Variants in TRIO observed in about 807,000 individuals in gnomAD.
TRIO encodes trio Rho guanine nucleotide exchange factor.
A neutral mutation model predicts 351.9 loss-of-function variants in TRIO; 58 were observed. The observed-to-expected ratio is 0.16, with a 90% confidence interval of 0.13 to 0.21. TRIO has a LOEUF of 0.21. Among genes scored for constraint, TRIO ranks in the 10% least tolerant of loss-of-function variants. TRIO has a pLI of 1.00. For synonymous variants in TRIO, 1,758 were observed against 1,595.7 expected (o/e 1.10, Z -2.42); for missense variants, 3,201 against 4,027.8 (o/e 0.79, Z 5.56).
chr5:14,335,204 G>A (rs1313534537), intron 10 of TRIO, among the ~76,000 whole-genome samples: 3 of 152,074 alleles, frequency 2.0e-5, no homozygotes, highest in Non-Finnish European at 4.4e-5. Flanking sequence ...TATCCCTCAG[G>A]TATTGGCTTA....
rs556482968 is a variant in TRIO at position 14,290,830 on chromosome 5, G to A, written c.655G>A (p.Ala219Thr). ...NHEEWIEIRV[A>T]FEDYISNATH... ...CGAAGAATGGATTGAAATCAGAGTTGCTTTTGAAGACTACATTAGCAATGC... is the reference window on the plus strand; with the variant it reads ...CGAAGAATGGATTGAAATCAGAGTTACTTTTGAAGACTACATTAGCAATGC... Residue 219 changes from alanine (A) to threonine (T), a missense_variant, in exon 5 of 57, where the codon GCT becomes ACT. Ala to Thr is a moderately conservative substitution (Grantham distance 58). Transcript: ENST00000344204. 1 of 1,614,116 alleles carries A rather than the reference G, an allele frequency of 6.2e-7. No homozygotes were observed. The highest frequency in any genetic ancestry group is 1.1e-5 in the South Asian group (1 of 91,066).
At position 14,374,334 on chromosome 5, in the gene TRIO, C is replaced by A; in HGVS notation, c.3322C>A (p.Gln1108Lys). 1 of 1,612,588 alleles carries A rather than the reference C, an allele frequency of 6.2e-7. No homozygotes were observed. The highest frequency in any genetic ancestry group is 8.5e-7 in the Non-Finnish European group (1 of 1,179,104). ...GACGCACATCAAAGCTCCTGAACAG[C>A]AAGTGAAAAGTGAGTAGAGCTGGGA... ...MVTHIKAPEQQVKNILNELFQ... is the reference protein window; with the variant it reads ...MVTHIKAPEQKVKNILNELFQ... Residue 1108 changes from glutamine (Q) to lysine (K), a missense_variant, in exon 19 of 57, where the codon CAA (glutamine) becomes AAA (lysine). Around this residue, in one of 19 missense-constraint regions of TRIO, gnomAD observed 201 missense variants for 266.5 expected, o/e 0.75. Transcript: ENST00000344204.
intron 2 of TRIO, among the ~76,000 whole-genome samples, chr5:14,273,543 G>C (rs1735218535): frequency 6.6e-6 from 1 of 152,200 alleles, no homozygotes; most frequent in African/African-American, 2.4e-5. Context: ...GCTATTAAGA[G>C]GTGGGACCTT....
intron 49 of TRIO, among the ~76,000 whole-genome samples, chr5:14,493,736 A>T (rs1579824268): frequency 6.6e-6 from 1 of 152,378 alleles, no homozygotes; most frequent in East Asian, 1.9e-4. Context: ...AAGGCATGCC[A>T]AAAGTGGATA....
chr5:14,487,845 C>A lies in TRIO; in HGVS notation c.7217C>A (p.Ala2406Glu). 6.6e-7 allele frequency: 1 copy of A among 1,524,130 alleles called. No individual in the cohort carries two copies. Among genetic ancestry groups the A allele is most frequent in the Non-Finnish European group, 8.8e-7 (1 of 1,135,406 alleles). 94.4% of individuals were successfully genotyped at this position (1,524,130 alleles called of 1,614,324 possible). Residue 2406 changes from alanine (A) to glutamate (E), a missense_variant, in exon 48 of 57, where the codon GCG becomes GAG. Physicochemically the swap from Ala to Glu is moderately radical, Grantham distance 107 (BLOSUM62 -1). Transcript: ENST00000344204. Reference sequence around the variant, plus strand: ...GACGCCGAGGGGTCCGAGCGAGAAGCGGAGCCGATCCCCAAGATGAAGGTG... The same window carrying A: ...GACGCCGAGGGGTCCGAGCGAGAAGAGGAGCCGATCCCCAAGATGAAGGTG... ...GADAEGSERE[A>E]EPIPKMKVLE...
intron 49 of TRIO, among the ~76,000 whole-genome samples, chr5:14,493,460 G>A (rs1025397482): frequency 2.4e-4 from 36 of 152,166 alleles, no homozygotes; most frequent in Admixed American, 6.5e-5. Context: ...ACGGTGATAT[G>A]TAGTTAGTGA....
chr5:14,422,986 C>T (rs1447658609), intron 34 of TRIO, among the ~76,000 whole-genome samples: 1 of 152,082 alleles, frequency 6.6e-6, no homozygotes, highest in Admixed American at 6.5e-5. Context: ...GTTTTGTGGA[C>T]GAAGTTTGCT....
At chr5:14,492,525 G>C in intron 48 of TRIO, 42 bp from the exon 49 acceptor site, 10 of 1,602,900 alleles carry the variant, frequency 6.2e-6, no homozygotes, top group Non-Finnish European at 8.5e-6. Flanking sequence ...TCTCGTTTCA[G>C]TTCCTCCCTG....
At chr5:14,239,280 A>G (rs1793985208) in intron 1 of TRIO, among the ~76,000 whole-genome samples, 1 of 151,342 alleles carries the variant, frequency 6.6e-6, no homozygotes, top group African/African-American at 2.4e-5. Context: ...CCTCCCCCCC[A>G]TTCTTAGTTC....
chr5:14,273,750 C>T (rs1159476666), intron 2 of TRIO, among the ~76,000 whole-genome samples: 3 of 152,330 alleles, frequency 2.0e-5, no homozygotes, highest in South Asian at 4.1e-4. Flanking sequence ...CGCCTAATGG[C>T]ATCTTACATA....
chr5:14,368,815 T>C lies in TRIO; in HGVS notation c.2982T>C (p.Ser994=). ...MIRDCAEKVA[S]HWQQLMLKME... Reference sequence around the variant, plus strand: ...GGGACTGCGCCGAGAAGGTGGCGTCTCACTGGCAACAGCTCATGCTCAAGA... The same window carrying C: ...GGGACTGCGCCGAGAAGGTGGCGTCCCACTGGCAACAGCTCATGCTCAAGA... The change falls in exon 17 of 57, where the codon TCT becomes TCC. Residue 994 remains serine (S), a synonymous_variant. Coordinates refer to ENST00000344204, the MANE Select transcript of TRIO (RefSeq NM_007118.4). 1 of 1,614,176 alleles carries C rather than the reference T, an allele frequency of 6.2e-7. No individual in the cohort carries two copies. Among genetic ancestry groups the C allele is most frequent in the Non-Finnish European group, 8.5e-7 (1 of 1,180,040 alleles).
intron 16 of TRIO, 53 bp downstream of exon 16, chr5:14,367,032 C>G: frequency 1.2e-6 from 2 of 1,606,374 alleles, no homozygotes; most frequent in Non-Finnish European, 1.7e-6. Context: ...TCAGGACAAA[C>G]ATCCTGAATC....
At chr5:14,345,223 A>G (rs951944657) in intron 11 of TRIO, among the ~76,000 whole-genome samples, 1 of 152,214 alleles carries the variant, frequency 6.6e-6, no homozygotes, top group Non-Finnish European at 1.5e-5. Context: ...AGAGCTTAGA[A>G]GTTATTGTGG....
chr5:14,253,214 T>A (rs1053943723), intron 1 of TRIO, among the ~76,000 whole-genome samples: 3 of 152,210 alleles, frequency 2.0e-5, no homozygotes, highest in Non-Finnish European at 4.4e-5. Context: ...GAAAAATCTT[T>A]TAAGAAATAC....
In TRIO at chr5:14,270,317, C is replaced by G. The variant is rs1347509091; in HGVS notation, c.158-508C>G. On this transcript the variant is annotated intron_variant, in intron 1 of 56. Coordinates refer to ENST00000344204, the MANE Select transcript of TRIO (RefSeq NM_007118.4). Reference sequence around the variant, plus strand: ...AAAGCCTGGAAGGAGAAAGCCAGGCCCCAGCTATTTATAATCCCCTCTCTC... The same window carrying G: ...AAAGCCTGGAAGGAGAAAGCCAGGCGCCAGCTATTTATAATCCCCTCTCTC... Among the ~76,000 whole-genome samples, 8 of 152,202 alleles carry G rather than the reference C, an allele frequency of 5.3e-5. No individual in the cohort carries two copies. In the East Asian group the frequency reaches 1.5e-3, roughly 29 times the overall value.
At chr5:14,373,927 A>G (rs1028906559) in intron 18 of TRIO, among the ~76,000 whole-genome samples, 1 of 152,124 alleles carries the variant, frequency 6.6e-6, no homozygotes, top group African/African-American at 2.4e-5. Context: ...ACCTCTCTAG[A>G]CTGGACGGAG....
At chr5:14,282,078 T>A (rs1015068457) in intron 3 of TRIO, among the ~76,000 whole-genome samples, 2 of 152,192 alleles carry the variant, frequency 1.3e-5, no homozygotes, top group Non-Finnish European at 2.9e-5. Flanking sequence ...TGTCAGAGTA[T>A]CCTTTATGAG....
intron 53 of TRIO, 26 bp downstream of exon 53, chr5:14,498,666 A>G (rs1312798277): frequency 1.2e-6 from 2 of 1,605,898 alleles, no homozygotes; most frequent in Admixed American, 3.3e-5. Context: ...CGAGGATTCT[A>G]CGTGACCCAG....
intron 34 of TRIO, among the ~76,000 whole-genome samples, chr5:14,435,822 T>C (rs1052567108): frequency 4.6e-5 from 7 of 152,258 alleles, no homozygotes; most frequent in African/African-American, 1.4e-4. Context: ...AGCACTCCTT[T>C]ACTTTCTGGC....
Sources: gnomAD v4.1 joint callset for allele counts (sites outside exome capture counted in the v4.1 genomes callset) on GRCh38, gnomAD v4.1.1 for gene constraint, gnomAD v4.1.1 regional missense constraint, MANE v1.5 for transcripts, NCBI Gene and HGNC (gene_info 2026-07-23, HGNC 2026-07-21) for gene names.